NEK11: variants seen among roughly 807,000 people sequenced by gnomAD.
The protein encoded by NEK11 is NIMA related kinase 11.
NEK11 carries 72 observed loss-of-function variants against 80.7 expected under a neutral mutation model. That is an observed-to-expected ratio of 0.89 (90% CI 0.74 to 1.08). The LOEUF is 1.08. Ranked by LOEUF, NEK11 falls within the 50% of genes least tolerant of loss-of-function variation. The pLI is 0.00. For synonymous variants in NEK11, 251 were observed against 260.7 expected, an observed-to-expected ratio of 0.96 and a Z score of 0.36; for missense variants, 764 against 763.6, an observed-to-expected ratio of 1.00 and a Z score of -0.01.
At chr3:131,029,174 T>C (rs2064407626) in intron 2 of NEK11, among the ~76,000 whole-genome samples, 1 of 152,248 alleles carries the variant, frequency 6.6e-6, no homozygotes, top group African/African-American at 2.4e-5. Context: ...ATTCCTTGTT[T>C]AATCCTAACT....
At chr3:131,310,104 T>A (rs897511897) in intron 17 of NEK11, among the ~76,000 whole-genome samples, 1 of 151,072 alleles carries the variant, frequency 6.6e-6, no homozygotes, top group Admixed American at 6.6e-5. Context: ...ACAGGATTCA[T>A]TGGTTCACTG....
At chr3:131,333,756 T>C (rs2097134866) in intron 17 of NEK11, among the ~76,000 whole-genome samples, 1 of 152,004 alleles carries the variant, frequency 6.6e-6, no homozygotes, top group Non-Finnish European at 1.5e-5. Flanking sequence ...AGGCTCAAAA[T>C]AAAAGGATGG....
chr3:131,111,527 G>A (rs16835887), intron 5 of NEK11, among the ~76,000 whole-genome samples: 28,028 of 152,046 alleles, frequency 0.18, 2,674 homozygotes, highest in Middle Eastern at 0.22. Context: ...TAAGCTAGCC[G>A]ACATAAAACA....
intron 4 of NEK11, among the ~76,000 whole-genome samples, chr3:131,090,013 G>GT (rs199782667): frequency 0.013 from 2,004 of 152,108 alleles, 40 homozygotes; most frequent in African/African-American, 0.045. Context: ...CATTGCAGGG[G>GT]TTTTTTTGTT....
intron 14 of NEK11, among the ~76,000 whole-genome samples, chr3:131,225,751 G>C (rs1472851760): frequency 2.0e-5 from 3 of 152,080 alleles, no homozygotes. Context: ...CAGGTTGAGA[G>C]GTCAGTTTAG....
intron 17 of NEK11, among the ~76,000 whole-genome samples, chr3:131,337,190 C>G (rs1582317172): frequency 6.6e-6 from 1 of 152,156 alleles, no homozygotes; most frequent in Non-Finnish European, 1.5e-5. Context: ...GCACTATTCA[C>G]AATAGCAAAG....
chr3:131,057,740 T>A (rs1397751509), intron 3 of NEK11, among the ~76,000 whole-genome samples: 1 of 151,208 alleles, frequency 6.6e-6, no homozygotes, highest in African/African-American at 2.4e-5. Context: ...GGGTTGTTTG[T>A]TTTTTTCTTG....
intron 14 of NEK11, among the ~76,000 whole-genome samples, chr3:131,219,033 C>G (rs1423987948): frequency 6.6e-6 from 1 of 152,052 alleles, no homozygotes; most frequent in Non-Finnish European, 1.5e-5. Context: ...CCCAGCAATC[C>G]CATTACTGGG....
intron 3 of NEK11, among the ~76,000 whole-genome samples, chr3:131,046,876 C>T (rs1460277694): frequency 6.6e-6 from 1 of 152,212 alleles, no homozygotes; most frequent in Non-Finnish European, 1.5e-5. Context: ...TGATTATTCT[C>T]TCAAGTATGT....
intron 12 of NEK11, among the ~76,000 whole-genome samples, chr3:131,167,673 A>G (rs1334072442): frequency 1.3e-5 from 2 of 152,180 alleles, no homozygotes; most frequent in African/African-American, 4.8e-5. Flanking sequence ...TTATGCATAT[A>G]TTACTCCACA....
chr3:131,340,985 G>A (rs77047968), intron 17 of NEK11, among the ~76,000 whole-genome samples: 3 of 152,036 alleles, frequency 2.0e-5, no homozygotes, highest in African/African-American at 4.8e-5. Flanking sequence ...CTAACTAAAG[G>A]AATAGTTCCT....
chr3:131,124,712 T>C (rs2082993951), intron 5 of NEK11, among the ~76,000 whole-genome samples: 1 of 152,176 alleles, frequency 6.6e-6, no homozygotes, highest in Admixed American at 6.5e-5. Flanking sequence ...TCTTTTTAAA[T>C]CAGTTAAGAA....
intron 14 of NEK11, among the ~76,000 whole-genome samples, chr3:131,207,456 AC>A (rs941023741): frequency 2.0e-5 from 3 of 152,018 alleles, no homozygotes. Context: ...GGTGGCAGGC[AC>A]CTGTAGTCCC....
intron 17 of NEK11, among the ~76,000 whole-genome samples, chr3:131,273,838 C>G (rs1485373908): frequency 6.6e-6 from 1 of 152,194 alleles, no homozygotes; most frequent in African/African-American, 2.4e-5. Context: ...ACATTCTCAT[C>G]CATGCTAATG....
chr3:131,090,928 A>C (rs2149143561), intron 4 of NEK11, among the ~76,000 whole-genome samples: 1 of 152,198 alleles, frequency 6.6e-6, no homozygotes, highest in Non-Finnish European at 1.5e-5. Context: ...AGGCTGGGCT[A>C]ATTTTAAAAT....
chr3:131,060,300 A>T (rs552357317), intron 3 of NEK11, among the ~76,000 whole-genome samples: 48 of 152,374 alleles, frequency 3.2e-4, no homozygotes, highest in African/African-American at 1.2e-3. Context: ...AGTTTTAAAC[A>T]TAAAGGTATT....
chr3:131,213,183 A>T (rs922301794), intron 14 of NEK11, among the ~76,000 whole-genome samples: 2 of 127,186 alleles, frequency 1.6e-5, no homozygotes, highest in Non-Finnish European at 3.5e-5. Context: ...CCCCCATGCC[A>T]CCCATCTCCA....
At chr3:131,264,729 G>GT (rs1321355671) in intron 16 of NEK11, among the ~76,000 whole-genome samples, 1 of 152,004 alleles carries the variant, frequency 6.6e-6, no homozygotes, top group Admixed American at 6.6e-5. Context: ...CTTTAAAGTA[G>GT]TTTTTTTCCA....
intron 5 of NEK11, among the ~76,000 whole-genome samples, chr3:131,110,591 A>G (rs558802974): frequency 9.5e-4 from 145 of 152,326 alleles, no homozygotes; most frequent in Admixed American, 3.5e-3. Flanking sequence ...CCATAAAATG[A>G]TATGAACACG....
Sources: allele counts gnomAD v4.1 joint callset (sites outside exome capture counted in the v4.1 genomes callset), GRCh38; gene constraint gnomAD v4.1.1; transcripts MANE v1.5; gene names NCBI Gene and HGNC (gene_info 2026-07-23, HGNC 2026-07-21).